ATL2: variants seen among roughly 807,000 people sequenced by gnomAD.
ATL2 encodes the protein atlastin-2.
ATL2 carries 31 observed loss-of-function variants against 73.9 expected under a neutral mutation model. The observed-to-expected ratio is 0.42, with a 90% CI of 0.32 to 0.57. The LOEUF (loss-of-function observed/expected upper bound fraction) is 0.57, where lower values mean the gene tolerates loss of function less well. ATL2 is among the 20% of genes least tolerant of loss of function. ATL2 has a pLI of 0.14. For missense variants in ATL2, 738 were observed against 702.6 expected, an observed-to-expected ratio of 1.05 and a Z score of -0.57; for synonymous variants, 291 against 237.5, an observed-to-expected ratio of 1.23 and a Z score of -2.07.
At chr2:38,313,664 T>C (rs773092359) in intron 6 of ATL2, among the ~76,000 whole-genome samples, 2 of 152,196 alleles carry the variant, frequency 1.3e-5, no homozygotes, top group Non-Finnish European at 2.9e-5. Flanking sequence ...TTTTTACTCA[T>C]ATAGGGTTAG....
intron 2 of ATL2, among the ~76,000 whole-genome samples, chr2:38,326,812 A>C (rs1668689140): frequency 6.6e-6 from 1 of 151,862 alleles, no homozygotes; most frequent in Admixed American, 6.6e-5. Flanking sequence ...ATACGGCAAA[A>C]CCCCATCTAT....
intron 4 of ATL2, 139 bp downstream of exon 4, chr2:38,318,396 G>A: frequency 2.0e-6 from 1 of 506,634 alleles, no homozygotes; most frequent in Non-Finnish European, 3.4e-6. Context: ...AACCCAGGAG[G>A]CAGAGGTTGC....
chr2:38,305,565 A>G (rs1024846428), intron 9 of ATL2, among the ~76,000 whole-genome samples: 13 of 152,188 alleles, frequency 8.5e-5, no homozygotes, highest in Admixed American at 6.5e-5. Flanking sequence ...AAAATCAAAA[A>G]AATTGAAATT....
In ATL2 at chr2:38,360,331, G is replaced by GC. The variant is rs200789944; in HGVS notation, c.118+16811dup. Among the ~76,000 whole-genome samples, 576 of 150,886 alleles carry GC rather than the reference G, an allele frequency of 3.8e-3. 2 individuals carry two copies. The highest frequency in any genetic ancestry group is 0.012 in the African/African-American group (492 of 40,868). On this transcript the variant is annotated intron_variant, in intron 1 of 12. Transcript: ENST00000378954. ...GATGGGGTCTTGCTCTGATGCCCAG[G>GC]CTGCAGTACAGTGGCACAATCACAG...
At chr2:38,304,633 A>G (rs1667354821) in intron 9 of ATL2, among the ~76,000 whole-genome samples, 2 of 152,234 alleles carry the variant, frequency 1.3e-5, no homozygotes, top group Non-Finnish European at 2.9e-5. Flanking sequence ...GAAACAACGA[A>G]AAGTTTAAAA....
chr2:38,294,619 T>C lies in ATL2; in HGVS notation c.*1375A>G, dbSNP rs76345397. On this transcript the variant is annotated 3_prime_UTR_variant, in exon 13 of 13. Transcript: ENST00000378954. ...GAAGACCACAAAAGTACTGAAAAAATGCTAGCCTTACATATACCACCAAAA... is the reference window on the plus strand; with the variant it reads ...GAAGACCACAAAAGTACTGAAAAAACGCTAGCCTTACATATACCACCAAAA... Among the ~76,000 whole-genome samples the C allele has an allele frequency of 6.9e-3, 1,004 of 144,690 alleles. 11 individuals are homozygous for C. The highest frequency in any genetic ancestry group is 0.056 in the East Asian group (284 of 5,036). 94.9% of individuals were successfully genotyped at this position (144,690 alleles called of 152,430 possible). A position where few individuals can be genotyped will look rare whatever the true frequency, so the allele number is the denominator to read the frequency against.
intron 1 of ATL2, chr2:38,358,796 C>T (rs1670836481): frequency 6.6e-6 from 1 of 152,638 alleles, no homozygotes; most frequent in South Asian, 2.0e-4. Flanking sequence ...CTCATCCAAT[C>T]ACCTGGGTGA....
At chr2:38,364,185 C>T (rs1260842022) in intron 1 of ATL2, among the ~76,000 whole-genome samples, 3 of 152,102 alleles carry the variant, frequency 2.0e-5, no homozygotes, top group African/African-American at 7.2e-5. Flanking sequence ...TCACTTGAAC[C>T]CGGGAGGCAG....
chr2:38,331,381 A>G (rs1162868193), intron 2 of ATL2, among the ~76,000 whole-genome samples: 1 of 146,956 alleles, frequency 6.8e-6, no homozygotes, highest in Non-Finnish European at 1.5e-5. Flanking sequence ...AGTTGCAGTG[A>G]GCTGAGATTG....
At chr2:38,324,344 C>A (rs952565498) in intron 2 of ATL2, among the ~76,000 whole-genome samples, 1 of 152,166 alleles carries the variant, frequency 6.6e-6, no homozygotes, top group African/African-American at 2.4e-5. Context: ...TGACATTCCC[C>A]ACACCACCAC....
chr2:38,368,215 T>A (rs182118220), intron 1 of ATL2, among the ~76,000 whole-genome samples: 1 of 151,518 alleles, frequency 6.6e-6, no homozygotes, highest in Non-Finnish European at 1.5e-5. Flanking sequence ...ATTACAGGCG[T>A]AAGCCACCGC....
chr2:38,316,548 A>G (rs1668034101), intron 4 of ATL2, among the ~76,000 whole-genome samples: 1 of 148,922 alleles, frequency 6.7e-6, no homozygotes, highest in Non-Finnish European at 1.5e-5. Context: ...TATCTTACAT[A>G]AGGAAAGAAA....
At chr2:38,356,325 T>G (rs756698461) in intron 1 of ATL2, among the ~76,000 whole-genome samples, 1 of 151,934 alleles carries the variant, frequency 6.6e-6, no homozygotes, top group East Asian at 1.9e-4. Context: ...TCCCAAGTAG[T>G]TGGGACTACA....
intron 2 of ATL2, among the ~76,000 whole-genome samples, chr2:38,340,741 A>G (rs1420102933): frequency 6.6e-6 from 1 of 152,180 alleles, no homozygotes; most frequent in Non-Finnish European, 1.5e-5. Context: ...GACCCACCAC[A>G]TGATCAGTTT....
At chr2:38,309,977 C>T (rs953115441) in intron 8 of ATL2, among the ~76,000 whole-genome samples, 1 of 152,184 alleles carries the variant, frequency 6.6e-6, no homozygotes, top group African/African-American at 2.4e-5. Context: ...GAAACAGACA[C>T]TTATATCTGA....
At chr2:38,312,731 T>C (rs945869022) in intron 7 of ATL2, among the ~76,000 whole-genome samples, 1 of 134,214 alleles carries the variant, frequency 7.5e-6, no homozygotes, top group Admixed American at 7.2e-5. Context: ...AAAAAGAAGG[T>C]GCTTGCTTTT....
intron 2 of ATL2, among the ~76,000 whole-genome samples, chr2:38,334,900 T>TATAA (rs1189394853): frequency 0.015 from 276 of 18,622 alleles, 14 homozygotes; most frequent in Middle Eastern, 0.036. Flanking sequence ...TAATATATAT[T>TATAA]ATTTATAATA....
At chr2:38,325,737 C>CACACAT (rs1668617610) in intron 2 of ATL2, among the ~76,000 whole-genome samples, 1 of 136,326 alleles carries the variant, frequency 7.3e-6, no homozygotes, top group African/African-American at 3.0e-5. Context: ...CACACACACA[C>CACACAT]ACACACACAC....
intron 1 of ATL2, among the ~76,000 whole-genome samples, chr2:38,360,643 C>G (rs932858430): frequency 6.6e-6 from 1 of 152,052 alleles, no homozygotes; most frequent in Non-Finnish European, 1.5e-5. Context: ...TTCTGCAAGT[C>G]TCTTCATTTT....
Sources: allele counts gnomAD v4.1 joint callset (sites outside exome capture counted in the v4.1 genomes callset), GRCh38; gene constraint gnomAD v4.1.1; transcripts MANE v1.5; gene names NCBI Gene and HGNC (gene_info 2026-07-23, HGNC 2026-07-21).